The following MAEL variants were observed in gnomAD, a reference collection of about 807,000 sequenced individuals.
MAEL encodes protein maelstrom homolog.
MAEL carries 46 observed loss-of-function variants against 62.0 expected under a neutral mutation model. That is an observed-to-expected ratio of 0.74 (90% CI 0.59 to 0.95). MAEL has a LOEUF of 0.95. Ranked by LOEUF, MAEL falls within the 40% of genes least tolerant of loss-of-function variation. The pLI is 0.00. For synonymous variants in MAEL, 172 were observed against 175.5 expected (o/e 0.98, Z 0.16); for missense variants, 497 against 526.8 (o/e 0.94, Z 0.55).
chr1:166,993,369 T>C (rs1382463082), intron 4 of MAEL, among the ~76,000 whole-genome samples: 1 of 152,166 alleles, frequency 6.6e-6, no homozygotes, highest in African/African-American at 2.4e-5. Context: ...TCAGCATCTC[T>C]TCCTACTGTT....
chr1:166,985,868 T>C (rs1226467406), upstream of MAEL, among the ~76,000 whole-genome samples: 1 of 152,012 alleles, frequency 6.6e-6, no homozygotes, highest in Non-Finnish European at 1.5e-5. Context: ...GATAATACAA[T>C]GAGTAGACAA....
At chr1:166,999,638 A>C (rs1402197331) in intron 5 of MAEL, among the ~76,000 whole-genome samples, 1 of 152,248 alleles carries the variant, frequency 6.6e-6, no homozygotes, top group Non-Finnish European at 1.5e-5. Context: ...AGGTGGCTAC[A>C]GCAAATGGCA....
chr1:167,014,946 C>T (rs1382848693), intron 8 of MAEL, among the ~76,000 whole-genome samples: 1 of 152,134 alleles, frequency 6.6e-6, no homozygotes, highest in Non-Finnish European at 1.5e-5. Context: ...ATCATTTGAA[C>T]CCTGGAGGTG....
At chr1:167,016,844 A>AC (rs1665414410) in intron 9 of MAEL, among the ~76,000 whole-genome samples, 1 of 152,182 alleles carries the variant, frequency 6.6e-6, no homozygotes, top group Non-Finnish European at 1.5e-5. Context: ...CATAGATGGA[A>AC]CTAGAGGTCA....
At chr1:167,015,379 A>T (rs180877997) in intron 8 of MAEL, among the ~76,000 whole-genome samples, 2 of 152,294 alleles carry the variant, frequency 1.3e-5, no homozygotes, top group East Asian at 3.9e-4. Context: ...CCATTCATCC[A>T]TGCATGAAAT....
At chr1:167,017,120 A>C (rs1482046663) in intron 9 of MAEL, among the ~76,000 whole-genome samples, 1 of 152,208 alleles carries the variant, frequency 6.6e-6, no homozygotes, top group Non-Finnish European at 1.5e-5. Flanking sequence ...TACATTTGAA[A>C]ATAACTAAAA....
intron 5 of MAEL, 66 bp downstream of exon 5, chr1:166,994,135 C>G: frequency 7.5e-7 from 1 of 1,326,898 alleles, no homozygotes; most frequent in Non-Finnish European, 1.1e-6. Flanking sequence ...AGACTTATTC[C>G]TTTTACACAC....
chr1:167,012,548 CT>C (rs1037093048), intron 8 of MAEL: 4 of 152,114 alleles, frequency 2.6e-5, no homozygotes, highest in African/African-American at 9.7e-5. Context: ...CTTCAAGAAG[CT>C]AACAGTTAAG....
intron 5 of MAEL, among the ~76,000 whole-genome samples, chr1:166,994,566 T>C (rs912935036): frequency 6.6e-6 from 1 of 152,202 alleles, no homozygotes; most frequent in Non-Finnish European, 1.5e-5. Flanking sequence ...TAAGTGATTT[T>C]CTGCTTAAAT....
intron 5 of MAEL, among the ~76,000 whole-genome samples, 159 bp from the exon 6 acceptor site, chr1:167,004,019 CTG>C (rs1022546487): frequency 1.3e-5 from 2 of 152,168 alleles, no homozygotes; most frequent in Admixed American, 1.3e-4. Flanking sequence ...GGCTGTAAGA[CTG>C]TGGGTTAAAA....
upstream of MAEL, among the ~76,000 whole-genome samples, chr1:166,988,739 A>T (rs1393035772): frequency 6.6e-6 from 1 of 152,236 alleles, no homozygotes; most frequent in Non-Finnish European, 1.5e-5. Flanking sequence ...TTTTATGAGG[A>T]AATCTATAAA....
rs1282018163 is a variant in MAEL at position 167,004,278 on chromosome 1, G to C, written c.622G>C (p.Gly208Arg). ...TTATAGATTTATTCATCCCAACCCA[G>C]GGAACTGGCCACCTATCTACTGCAA... ...NLYRFIHPNP[G>R]NWPPIYCKSD... The change falls in exon 6 of 12, where the codon GGG (glycine) becomes CGG (arginine). Residue 208 changes from glycine (G) to arginine (R), a missense_variant. Gly to Arg is a moderately radical substitution (Grantham distance 125, BLOSUM62 -2). Coordinates refer to ENST00000367872, the MANE Select transcript of MAEL (RefSeq NM_032858.3). 3 of 1,606,020 alleles carry C rather than the reference G, an allele frequency of 1.9e-6. No homozygotes were observed. Among genetic ancestry groups the C allele is most frequent in the African/African-American group, 2.7e-5 (2 of 74,562 alleles).
chr1:167,014,690 G>C (rs1665310049), intron 8 of MAEL, among the ~76,000 whole-genome samples: 1 of 152,116 alleles, frequency 6.6e-6, no homozygotes, highest in Non-Finnish European at 1.5e-5. Flanking sequence ...TGAAAGGGGG[G>C]ACCTTTCCAA....
chr1:167,014,119 C>T (rs1438740728), intron 8 of MAEL, among the ~76,000 whole-genome samples: 1 of 152,206 alleles, frequency 6.6e-6, no homozygotes, highest in African/African-American at 2.4e-5. Context: ...TTATTTGCCA[C>T]AGATTTGTTA....
chr1:166,992,726 C>T lies in MAEL; in HGVS notation c.366C>T (p.Ser122=), dbSNP rs1160453191. ...GGIFYFLNIF[S]HGELPPHCEQ... ...TTTTTTATTTTTTGAACATTTTTAG[C>T]CATGGCGAGCTACCTCCTCATTGTG... The change falls in exon 4 of 12, where the codon AGC becomes AGT. Residue 122 remains serine, a synonymous_variant. Coordinates refer to ENST00000367872, the MANE Select transcript of MAEL (RefSeq NM_032858.3). The T allele has an allele frequency of 6.2e-7, 1 of 1,603,224 alleles. No homozygotes were observed. Among genetic ancestry groups the T allele is most frequent in the South Asian group, 1.1e-5 (1 of 88,448 alleles).
At chr1:167,007,591 GTGTGTGTA>G (rs202185826) in intron 8 of MAEL, among the ~76,000 whole-genome samples, 9,590 of 92,108 alleles carry the variant, frequency 0.1, 386 homozygotes, top group East Asian at 0.2. Context: ...GTGTGTGTGT[GTGTGTGTA>G]TGTACACACA....
intron 5 of MAEL, among the ~76,000 whole-genome samples, chr1:166,995,357 C>T (rs11805946): frequency 0.39 from 59,374 of 151,614 alleles, 12,767 homozygotes; most frequent in African/African-American, 0.59. Flanking sequence ...TCTCCTGCCT[C>T]GCCTCCCAAG....
chr1:166,994,974 ATTTTTTTTTT>A, intron 5 of MAEL, among the ~76,000 whole-genome samples: 1 of 110,190 alleles, frequency 9.1e-6, no homozygotes, highest in South Asian at 2.9e-4. Flanking sequence ...CCACCCAGTA[ATTTTTTTTTT>A]TTTTTTTTTT....
intron 8 of MAEL, among the ~76,000 whole-genome samples, chr1:167,006,792 T>C (rs752116451): frequency 4.0e-5 from 6 of 151,342 alleles, no homozygotes; most frequent in Non-Finnish European, 8.8e-5. Flanking sequence ...CCCGCCACCA[T>C]GCCCAGCTAA....
Sources: allele counts gnomAD v4.1 joint callset (sites outside exome capture counted in the v4.1 genomes callset), GRCh38; gene constraint gnomAD v4.1.1; transcripts MANE v1.5; gene names NCBI Gene and HGNC (gene_info 2026-07-23, HGNC 2026-07-21).